The following TG variants were observed in gnomAD, a reference collection of about 807,000 sequenced individuals.
The protein encoded by TG is thyroglobulin, also known as thyroid hormones.
Under a neutral mutation model 324.7 loss-of-function variants are expected in TG, and 270 were observed. The observed-to-expected ratio is 0.83, with a 90% CI of 0.75 to 0.92. The LOEUF is 0.92. Among genes scored for constraint, TG ranks in the 40% least tolerant of loss-of-function variants. The pLI is 0.00. For synonymous variants in TG, 1,401 were observed against 1,327.0 expected (o/e 1.06, Z -1.21); for missense variants, 3,591 against 3,456.4 (o/e 1.04, Z -0.98).
chr8:132,911,804 G>C (rs1478293474), intron 19 of TG, among the ~76,000 whole-genome samples: 1 of 152,230 alleles, frequency 6.6e-6, no homozygotes, highest in Admixed American at 6.5e-5. Context: ...AGGTGAAACA[G>C]AATGTGTGAA....
At chr8:133,024,621 T>C (rs1161030253) in intron 40 of TG, among the ~76,000 whole-genome samples, 1 of 151,328 alleles carries the variant, frequency 6.6e-6, no homozygotes, top group Admixed American at 6.6e-5. Context: ...CCATGTATTC[T>C]CAGTGTTCAA....
At chr8:133,090,076 A>T (rs528682723) in intron 41 of TG, 1 of 152,372 alleles carries the variant, frequency 6.6e-6, no homozygotes, top group East Asian at 1.9e-4. Context: ...ATCCGCCTAA[A>T]TGGGGCTTGA....
chr8:133,029,947 G>A lies in TG; in HGVS notation c.7163G>A (p.Gly2388Glu). The A allele has an allele frequency of 6.2e-7, 1 of 1,614,236 alleles. No individual in the cohort carries two copies. The highest frequency in any genetic ancestry group is 8.5e-7 in the Non-Finnish European group (1 of 1,180,042). The change falls in exon 41 of 48, where the codon GGG becomes GAG. Residue 2388 changes from glycine to glutamate, a missense_variant. Gly to Glu is a moderately conservative substitution (Grantham distance 98). Transcript: ENST00000220616. Reference protein sequence around the residue: ...RRVSLAADRGGADVASIHLLT... With the variant: ...RRVSLAADRGEADVASIHLLT... ...GTGTCCCTGGCAGCAGACCGTGGCG[G>A]GGCTGATGTGGCCAGCATCCACCTT...
chr8:133,062,697 T>A (rs2741203), intron 41 of TG, among the ~76,000 whole-genome samples: 5,488 of 152,132 alleles, frequency 0.036, 305 homozygotes, highest in African/African-American at 0.12. Flanking sequence ...AGCATGCCTG[T>A]GACACGCACA....
At chr8:132,879,155 A>G (rs1170594118) in intron 5 of TG, among the ~76,000 whole-genome samples, 1 of 152,244 alleles carries the variant, frequency 6.6e-6, no homozygotes, top group Non-Finnish European at 1.5e-5. Context: ...AGATGGTGAT[A>G]TCATTTCAGA....
At chr8:133,029,419 G>A (rs1249277422) in intron 40 of TG, among the ~76,000 whole-genome samples, 1 of 152,174 alleles carries the variant, frequency 6.6e-6, no homozygotes, top group Non-Finnish European at 1.5e-5. Flanking sequence ...AAGACATGGG[G>A]CAGAGAGTTC....
intron 41 of TG, chr8:133,049,239 A>T: frequency 2.3e-6 from 1 of 434,514 alleles, no homozygotes; most frequent in Non-Finnish European, 4.6e-6. Flanking sequence ...GTTTTCTAAG[A>T]TATCTCTTGT....
In TG at chr8:132,888,402, C is replaced by G; in HGVS notation, c.2595C>G (p.Pro865=). Residue 865 remains proline (P), a synonymous_variant, in exon 10 of 48, where the codon CCC becomes CCG. Transcript: ENST00000220616. ...PQPRENILLE[P]YLFWQILNGQ... ...CCAGGGAGAATATCCTCCTGGAGCC[C>G]TACCTCTTCTGGCAGATCTTAAATG... The G allele has an allele frequency of 6.2e-7, 1 of 1,613,998 alleles. No individual in the cohort carries two copies. Among genetic ancestry groups the G allele is most frequent in the Non-Finnish European group, 8.5e-7 (1 of 1,179,882 alleles).
At chr8:133,001,645 C>T (rs1363074134) in intron 35 of TG, 2 of 586,734 alleles carry the variant, frequency 3.4e-6, no homozygotes, top group Non-Finnish European at 4.3e-6. Context: ...CAGGATGTCT[C>T]AATGCAATGT....
At chr8:133,079,401 G>A (rs1845407064) in intron 41 of TG, among the ~76,000 whole-genome samples, 2 of 152,224 alleles carry the variant, frequency 1.3e-5, no homozygotes, top group African/African-American at 4.8e-5. Context: ...CCTTATTAAA[G>A]TGAAATGTTC....
chr8:132,928,100 A>G (rs1822143787), intron 22 of TG, among the ~76,000 whole-genome samples: 1 of 152,130 alleles, frequency 6.6e-6, no homozygotes. Flanking sequence ...ACTTCTCTCA[A>G]CCCAATCCCA....
chr8:133,045,034 G>A (rs1839050315), intron 41 of TG: 2 of 1,614,182 alleles, frequency 1.2e-6, no homozygotes, highest in Non-Finnish European at 1.7e-6. Flanking sequence ...GAGCCTCGGG[G>A]AAATGTAGTA....
At chr8:132,914,505 C>T (rs1373293387) in intron 20 of TG, among the ~76,000 whole-genome samples, 1 of 152,156 alleles carries the variant, frequency 6.6e-6, no homozygotes, top group African/African-American at 2.4e-5. Context: ...AACCACTTCC[C>T]ACTAGCATTT....
chr8:132,878,826 A>G (rs1446720571), intron 5 of TG, among the ~76,000 whole-genome samples: 1 of 151,992 alleles, frequency 6.6e-6, no homozygotes, highest in Non-Finnish European at 1.5e-5. Context: ...CTCCTCTGTT[A>G]TCTCCTGGTC....
chr8:133,112,877 C>A (rs1328182815), intron 43 of TG, among the ~76,000 whole-genome samples: 1 of 152,136 alleles, frequency 6.6e-6, no homozygotes, highest in Non-Finnish European at 1.5e-5. Flanking sequence ...GCTTGATCGG[C>A]ATGTTTGTGG....
chr8:132,888,097 A>G lies in TG; in HGVS notation c.2290A>G (p.Ser764Gly). ...TLSDTYIPQCSTDGQWRQVQC... is the reference protein window; with the variant it reads ...TLSDTYIPQCGTDGQWRQVQC... Reference sequence around the variant, plus strand: ...TTCCGACACCTACATCCCACAGTGCAGCACCGATGGGCAGTGGAGACAAGT... The same window carrying G: ...TTCCGACACCTACATCCCACAGTGCGGCACCGATGGGCAGTGGAGACAAGT... The change falls in exon 10 of 48, where the codon AGC becomes GGC. Residue 764 changes from serine (S) to glycine (G), a missense_variant. Ser to Gly is a moderately conservative substitution (Grantham distance 56). Transcript: ENST00000220616. 1.9e-6 allele frequency: 3 copies of G among 1,614,180 alleles called. No individual in the cohort carries two copies. The highest frequency in any genetic ancestry group is 1.1e-5 in the South Asian group (1 of 91,082).
chr8:133,013,309 GA>G (rs1265065345), intron 36 of TG, among the ~76,000 whole-genome samples: 8 of 152,156 alleles, frequency 5.3e-5, no homozygotes. Flanking sequence ...ATGAGCGGAT[GA>G]AAGGATAGAT....
chr8:132,882,730 T>C, intron 7 of TG, 84 bp from the exon 8 acceptor site: 6 of 1,612,316 alleles, frequency 3.7e-6, no homozygotes, highest in Non-Finnish European at 5.1e-6. Flanking sequence ...ATGAAAAGAA[T>C]CGTTAAGAGC....
intron 41 of TG, among the ~76,000 whole-genome samples, chr8:133,061,411 C>T (rs950663575): frequency 7.2e-5 from 11 of 152,112 alleles, no homozygotes; most frequent in East Asian, 1.9e-4. Context: ...CCACTTTGAA[C>T]GTGGCGTGGC....
Sources: allele counts gnomAD v4.1 joint callset (sites outside exome capture counted in the v4.1 genomes callset), GRCh38; gene constraint gnomAD v4.1.1; transcripts MANE v1.5; gene names NCBI Gene and HGNC (gene_info 2026-07-23, HGNC 2026-07-21).